SNTB1: variants seen among roughly 807,000 people sequenced by gnomAD.
SNTB1 encodes beta-1-syntrophin.
In SNTB1, 36 loss-of-function variants were observed where a neutral mutation model predicts 48.9. That is an observed-to-expected ratio of 0.74 (90% CI 0.56 to 0.97). The LOEUF is 0.97. Ranked by LOEUF, SNTB1 falls within the 50% of genes least tolerant of loss-of-function variation. SNTB1 has a pLI of 0.00. For synonymous variants in SNTB1, 299 were observed against 294.6 expected, an observed-to-expected ratio of 1.01 and a Z score of -0.15; for missense variants, 786 against 703.4, an observed-to-expected ratio of 1.12 and a Z score of -1.33.
In SNTB1 at chr8:120,538,820, C is replaced by T; in HGVS notation, c.*57G>A. ...GCTCACTACAGATGGTGTCTGACATCACGTTCTCTGGTGGCATTGCAGCCC... is the reference window on the plus strand; with the variant it reads ...GCTCACTACAGATGGTGTCTGACATTACGTTCTCTGGTGGCATTGCAGCCC... On this transcript the variant is annotated 3_prime_UTR_variant, in exon 7 of 7. Coordinates refer to ENST00000517992, the MANE Select transcript of SNTB1 (RefSeq NM_021021.4). 1.5e-6 allele frequency: 2 copies of T among 1,371,384 alleles called. No homozygotes were observed. Among genetic ancestry groups the T allele is most frequent in the Non-Finnish European group, 2.1e-6 (2 of 958,990 alleles). 85.0% of individuals were successfully genotyped at this position (1,371,384 alleles called of 1,614,324 possible). A position where few individuals can be genotyped will look rare whatever the true frequency, so the allele number is the denominator to read the frequency against.
At chr8:120,794,532 G>C (rs1820090414) in intron 1 of SNTB1, among the ~76,000 whole-genome samples, 1 of 151,822 alleles carries the variant, frequency 6.6e-6, no homozygotes, top group African/African-American at 2.4e-5. Context: ...TGTACTATGA[G>C]GTGCAAGGTA....
chr8:120,799,581 GA>G (rs534721588), intron 1 of SNTB1, among the ~76,000 whole-genome samples: 130 of 148,620 alleles, frequency 8.7e-4, no homozygotes, highest in African/African-American at 2.9e-3. Context: ...TCTCCAGAAT[GA>G]AAAAAAAATG....
At chr8:120,706,474 A>C (rs772353219) in intron 1 of SNTB1, among the ~76,000 whole-genome samples, 5 of 152,194 alleles carry the variant, frequency 3.3e-5, no homozygotes, top group African/African-American at 1.2e-4. Context: ...TTTATTCATC[A>C]GATATTAATA....
chr8:120,600,022 T>C (rs1816397733), intron 3 of SNTB1, among the ~76,000 whole-genome samples: 1 of 152,226 alleles, frequency 6.6e-6, no homozygotes, highest in African/African-American at 2.4e-5. Context: ...GAAAACATGA[T>C]CTAGCTCCTC....
At chr8:120,554,138 A>G (rs1468515941) in intron 4 of SNTB1, among the ~76,000 whole-genome samples, 2 of 152,178 alleles carry the variant, frequency 1.3e-5, no homozygotes, top group African/African-American at 2.4e-5. Flanking sequence ...GAGTTGGCAC[A>G]TTCTCCCCAT....
At chr8:120,589,598 GGAGACCTGCT>G (rs1442137264) in intron 3 of SNTB1, among the ~76,000 whole-genome samples, 2 of 152,150 alleles carry the variant, frequency 1.3e-5, no homozygotes, top group African/African-American at 4.8e-5. Flanking sequence ...CAAGGGACTG[GGAGACCTGCT>G]GTCTGGTGAG....
intron 1 of SNTB1, among the ~76,000 whole-genome samples, chr8:120,804,004 T>G (rs1820280664): frequency 6.6e-6 from 1 of 152,186 alleles, no homozygotes; most frequent in African/African-American, 2.4e-5. Context: ...AAGACTGGCT[T>G]AAATTAAATG....
At chr8:120,669,467 A>G (rs551441188) in intron 2 of SNTB1, among the ~76,000 whole-genome samples, 1,003 of 31,424 alleles carry the variant, frequency 0.032, 240 homozygotes, top group African/African-American at 0.078. Context: ...TTTTTTTGAG[A>G]CGGAGTCTCG....
intron 3 of SNTB1, among the ~76,000 whole-genome samples, chr8:120,603,594 G>A (rs543307609): frequency 5.3e-5 from 8 of 152,262 alleles, no homozygotes; most frequent in African/African-American, 1.9e-4. Flanking sequence ...CTCTTGCAGG[G>A]GAGTCCAGCA....
intron 3 of SNTB1, among the ~76,000 whole-genome samples, chr8:120,610,268 C>T (rs1816598884): frequency 6.6e-6 from 1 of 152,138 alleles, no homozygotes; most frequent in African/African-American, 2.4e-5. Context: ...TCCCAGGTAG[C>T]TCGGATTATA....
intron 5 of SNTB1, 121 bp from the exon 6 acceptor site, chr8:120,542,121 T>C: frequency 1.5e-6 from 1 of 659,482 alleles, no homozygotes; most frequent in Non-Finnish European, 2.5e-6. Flanking sequence ...CTTGCTAAAA[T>C]AAAAATATAG....
intron 1 of SNTB1, chr8:120,768,558 T>A (rs1464806263): frequency 6.6e-6 from 1 of 152,156 alleles, no homozygotes; most frequent in Admixed American, 6.5e-5. Flanking sequence ...GATGCTAATG[T>A]AATAAGGGAT....
chr8:120,752,665 A>T (rs1819241008), intron 1 of SNTB1, among the ~76,000 whole-genome samples: 1 of 152,162 alleles, frequency 6.6e-6, no homozygotes, highest in Non-Finnish European at 1.5e-5. Flanking sequence ...ACATGGATGC[A>T]GCTGGAGGCC....
intron 2 of SNTB1, among the ~76,000 whole-genome samples, chr8:120,678,776 T>C (rs1817880692): frequency 6.6e-6 from 1 of 151,966 alleles, no homozygotes; most frequent in Admixed American, 6.6e-5. Context: ...TTTGTGACTT[T>C]TTTTTTTTGC....
At chr8:120,551,035 A>G (rs1815470950) in intron 4 of SNTB1, among the ~76,000 whole-genome samples, 2 of 152,158 alleles carry the variant, frequency 1.3e-5, no homozygotes, top group Admixed American at 6.5e-5. Flanking sequence ...AGGTGGATGT[A>G]TCACGAGGTC....
At chr8:120,621,989 T>C (rs967309221) in intron 3 of SNTB1, among the ~76,000 whole-genome samples, 1 of 152,222 alleles carries the variant, frequency 6.6e-6, no homozygotes, top group Non-Finnish European at 1.5e-5. Flanking sequence ...CTAACATCAC[T>C]GGTCCACCAT....
At chr8:120,652,564 T>G (rs1273528483) in intron 2 of SNTB1, among the ~76,000 whole-genome samples, 1 of 152,004 alleles carries the variant, frequency 6.6e-6, no homozygotes, top group African/African-American at 2.4e-5. Context: ...TGGGCTACTT[T>G]CAAAATACAA....
chr8:120,760,638 G>T (rs537167729), intron 1 of SNTB1, among the ~76,000 whole-genome samples: 2 of 152,060 alleles, frequency 1.3e-5, no homozygotes, highest in African/African-American at 4.8e-5. Flanking sequence ...CATCCTTCCT[G>T]CAGGGGAGGG....
At chr8:120,547,515 T>C (rs1815402727) in intron 5 of SNTB1, among the ~76,000 whole-genome samples, 1 of 149,864 alleles carries the variant, frequency 6.7e-6, no homozygotes, top group South Asian at 2.1e-4. Flanking sequence ...GAGAATTGCT[T>C]GAATCCGTGA....
Sources: allele counts gnomAD v4.1 joint callset (sites outside exome capture counted in the v4.1 genomes callset), GRCh38; gene constraint gnomAD v4.1.1; transcripts MANE v1.5; gene names NCBI Gene and HGNC (gene_info 2026-07-23, HGNC 2026-07-21).